The following WNK3 variants were observed in gnomAD, a reference collection of about 807,000 sequenced individuals.
WNK3 encodes WNK lysine deficient protein kinase 3, also known as serine/threonine-protein kinase WNK3.
WNK3 carries 18 observed loss-of-function variants against 116.7 expected under a neutral mutation model. The observed-to-expected ratio is 0.15, with a 90% CI of 0.11 to 0.23. WNK3 has a LOEUF of 0.23. WNK3 is among the 10% of genes least tolerant of loss of function. The pLI is 1.00. For missense variants in WNK3, 993 were observed against 1,323.8 expected (o/e 0.75, Z 3.88); for synonymous variants, 404 against 469.4 (o/e 0.86, Z 1.80).
chrX:54,242,524 C>A (rs2068032642), intron 17 of WNK3, among the ~76,000 whole-genome samples: 1 of 112,397 alleles, frequency 8.9e-6, no homozygotes, highest in Non-Finnish European at 1.9e-5. Context: ...TCCAAATGTA[C>A]TATAAAACTA....
At chrX:54,282,154 C>A (rs2068524009) in intron 10 of WNK3, among the ~76,000 whole-genome samples, 1 of 110,156 alleles carries the variant, frequency 9.1e-6, no homozygotes, top group Non-Finnish European at 1.9e-5. Context: ...ATCCTTCTGC[C>A]TCAGCCTCCT....
At chrX:54,226,933 C>A (rs781999289) in intron 22 of WNK3, among the ~76,000 whole-genome samples, 1 of 111,432 alleles carries the variant, frequency 9.0e-6, no homozygotes, top group Admixed American at 9.6e-5. Context: ...TCTTTTTTCT[C>A]TTTCTTTTCA....
chrX:54,200,843 T>A (rs1000037293), intron 23 of WNK3, among the ~76,000 whole-genome samples: 1 of 111,861 alleles, frequency 8.9e-6, no homozygotes, highest in Non-Finnish European at 1.9e-5. Context: ...TTCCAATTTT[T>A]ACAATGGTGA....
intron 2 of WNK3, among the ~76,000 whole-genome samples, chrX:54,332,864 CAAA>C (rs1162673611): frequency 4.1e-5 from 2 of 49,337 alleles, no homozygotes. Flanking sequence ...GATTCCGCCT[CAAA>C]AAAAAAAAAA....
At chrX:54,353,638 T>C (rs1044699305) in intron 1 of WNK3, among the ~76,000 whole-genome samples, 2 of 106,593 alleles carry the variant, frequency 1.9e-5, no homozygotes, top group Non-Finnish European at 3.9e-5. Context: ...TTCCAGCTAC[T>C]CGGGAGGCTA....
At chrX:54,347,845 T>C (rs1020462095) in intron 1 of WNK3, among the ~76,000 whole-genome samples, 15 of 108,891 alleles carry the variant, frequency 1.4e-4, no homozygotes, top group South Asian at 1.2e-3. Context: ...TTCCCAACTC[T>C]ATCTCCCTTC....
intron 22 of WNK3, among the ~76,000 whole-genome samples, chrX:54,204,954 G>A (rs1557142381): frequency 8.9e-6 from 1 of 112,254 alleles, no homozygotes; most frequent in Non-Finnish European, 1.9e-5. Context: ...AGTGGCTCAC[G>A]CCTGTAATCC....
At chrX:54,318,999 A>T (rs1557171602) in intron 2 of WNK3, among the ~76,000 whole-genome samples, 1 of 109,598 alleles carries the variant, frequency 9.1e-6, no homozygotes, top group Admixed American at 9.8e-5. Flanking sequence ...GCTGGTTTTG[A>T]ACTCCTGACC....
At chrX:54,346,605 CAAAAAAAAA>C (rs57558276) in intron 1 of WNK3, among the ~76,000 whole-genome samples, 1 of 47,393 alleles carries the variant, frequency 2.1e-5, no homozygotes, top group Non-Finnish European at 3.9e-5. Flanking sequence ...GACTCTGTCT[CAAAAAAAAA>C]AAAAAAAAAA....
chrX:54,197,471 T>C (rs1743376770), exon 24 of WNK3: 1 of 111,528 alleles, frequency 9.0e-6, no homozygotes, highest in South Asian at 3.8e-4. Context: ...GACAAAATTA[T>C]TGTAATTTTT....
chrX:54,315,534 G>A (rs181633026), intron 2 of WNK3, among the ~76,000 whole-genome samples: 3 of 111,057 alleles, frequency 2.7e-5, no homozygotes, highest in South Asian at 7.6e-4. Flanking sequence ...TTCACCCTGG[G>A]AGATGATATC....
intron 17 of WNK3, among the ~76,000 whole-genome samples, chrX:54,239,712 C>T (rs782287919): frequency 9.0e-6 from 1 of 111,445 alleles, no homozygotes; most frequent in South Asian, 3.8e-4. Context: ...TTCTTGTTAA[C>T]GTCAGGCTAT....
rs1557169584 is a variant in WNK3 at position 54,311,113 on chromosome X, A to G, written c.710+6T>C. ...AACTACATTGGCACTATCAGGGTCA[A>G]CTTACGTCTTTAAGGTCCCAGATGT... On this transcript the variant is annotated splice_donor_region_variant and intron_variant, in intron 3 of 23. Coordinates refer to ENST00000354646, the Ensembl canonical transcript of WNK3. 1 of 1,142,011 alleles carries G rather than the reference A, an allele frequency of 8.8e-7. No homozygotes were observed. The highest frequency in any genetic ancestry group is 2.7e-5 in the Admixed American group (1 of 36,605). The allele number at this position is 1,142,011 out of a possible 1,213,427, so 94.1% of individuals were successfully genotyped here. A position where few individuals can be genotyped will look rare whatever the true frequency, so the allele number is the denominator to read the frequency against.
At chrX:54,243,400 G>A (rs1415270424) in intron 17 of WNK3, among the ~76,000 whole-genome samples, 2 of 76,768 alleles carry the variant, frequency 2.6e-5, no homozygotes, top group Non-Finnish European at 4.6e-5. Flanking sequence ...CGGCCTGGGC[G>A]AAAGTGCGAG....
intron 17 of WNK3, among the ~76,000 whole-genome samples, chrX:54,244,850 C>T (rs2068058968): frequency 9.0e-6 from 1 of 111,112 alleles, no homozygotes; most frequent in Admixed American, 9.6e-5. Context: ...TACTGAAGCC[C>T]TCAAAATCAT....
intron 22 of WNK3, among the ~76,000 whole-genome samples, chrX:54,210,733 G>A (rs1189054617): frequency 9.0e-6 from 1 of 111,620 alleles, no homozygotes; most frequent in African/African-American, 3.3e-5. Context: ...TCTCCTTCCT[G>A]CCTACTGAAA....
intron 10 of WNK3, among the ~76,000 whole-genome samples, chrX:54,284,038 CTT>C (rs2068552106): frequency 9.1e-6 from 1 of 110,404 alleles, no homozygotes; most frequent in African/African-American, 3.3e-5. Context: ...AATAGAAAAA[CTT>C]TGATGAATCA....
chrX:54,347,738 G>T (rs1001585838), intron 1 of WNK3, among the ~76,000 whole-genome samples: 6 of 102,531 alleles, frequency 5.9e-5, no homozygotes, highest in Admixed American at 3.2e-4. Flanking sequence ...CACAATGTAT[G>T]TACTATATTA....
At chrX:54,347,762 G>A (rs1485196574) in intron 1 of WNK3, among the ~76,000 whole-genome samples, 1 of 103,639 alleles carries the variant, frequency 9.6e-6, no homozygotes, top group Non-Finnish European at 2.0e-5. Flanking sequence ...ATATACACAT[G>A]TACATATACA....
Sources: gnomAD v4.1 joint callset for allele counts (sites outside exome capture counted in the v4.1 genomes callset) on GRCh38, gnomAD v4.1.1 for gene constraint, MANE v1.5 for transcripts, NCBI Gene and HGNC (gene_info 2026-07-23, HGNC 2026-07-21) for gene names.